RBFOX1: variants seen among roughly 807,000 people sequenced by gnomAD.
RBFOX1 encodes the protein RNA binding fox-1 homolog 1.
Under a neutral mutation model 57.7 loss-of-function variants are expected in RBFOX1, and 8 were observed. The ratio of observed to expected loss-of-function variants is 0.14; its 90% confidence interval spans 0.08 to 0.25. The LOEUF (loss-of-function observed/expected upper bound fraction) is 0.25. Among genes scored for constraint, RBFOX1 ranks in the 10% least tolerant of loss-of-function variants. The pLI is 1.00. For missense variants in RBFOX1, 611 were observed against 548.5 expected, an observed-to-expected ratio of 1.11 and a Z score of -1.14; for synonymous variants, 326 against 222.4, an observed-to-expected ratio of 1.47 and a Z score of -4.15.
intron 3 of RBFOX1, among the ~76,000 whole-genome samples, chr16:5,692,971 C>G (rs754715402): frequency 2.6e-5 from 4 of 152,210 alleles, no homozygotes; most frequent in Non-Finnish European, 5.9e-5. Context: ...TTGCAAACAT[C>G]TGGACTCACT....
intron 14 of RBFOX1, among the ~76,000 whole-genome samples, chr16:7,707,680 C>G (rs2082924006): frequency 6.6e-6 from 1 of 152,176 alleles, no homozygotes; most frequent in South Asian, 2.1e-4. Context: ...GCATCACTCA[C>G]TCCTCAGGAA....
chr16:5,789,693 C>G (rs2054623516), intron 3 of RBFOX1, among the ~76,000 whole-genome samples: 1 of 152,154 alleles, frequency 6.6e-6, no homozygotes, highest in Admixed American at 6.5e-5. Flanking sequence ...TCGCACTTCT[C>G]TTGATAAGAA....
At chr16:5,640,012 C>T (rs576840174) in intron 3 of RBFOX1, among the ~76,000 whole-genome samples, 62 of 152,270 alleles carry the variant, frequency 4.1e-4, no homozygotes, top group African/African-American at 1.3e-3. Flanking sequence ...TGATTTTCCC[C>T]GTGGTGCTGG....
chr16:6,562,686 A>G (rs1599909478), intron 2 of RBFOX1, among the ~76,000 whole-genome samples: 1 of 152,162 alleles, frequency 6.6e-6, no homozygotes, highest in East Asian at 1.9e-4. Flanking sequence ...TCTTACTTGG[A>G]ACCAGGTGAA....
At chr16:6,759,783 G>GT (rs1205559736) in intron 3 of RBFOX1, among the ~76,000 whole-genome samples, 1 of 152,112 alleles carries the variant, frequency 6.6e-6, no homozygotes, top group Non-Finnish European at 1.5e-5. Context: ...TAAGGAATGT[G>GT]TGCCAAGATG....
intron 2 of RBFOX1, among the ~76,000 whole-genome samples, chr16:5,473,939 G>T (rs940570974): frequency 1.3e-4 from 18 of 142,860 alleles, no homozygotes; most frequent in Non-Finnish European, 2.6e-4. Flanking sequence ...TAGGTAGATG[G>T]ATGGATGGGT....
At chr16:5,818,225 C>T (rs1177175397) in intron 3 of RBFOX1, among the ~76,000 whole-genome samples, 1 of 152,128 alleles carries the variant, frequency 6.6e-6, no homozygotes, top group African/African-American at 2.4e-5. Flanking sequence ...TCAATGGTGC[C>T]TCCAGGCATT....
chr16:5,875,850 T>TTC (rs2057594968), intron 4 of RBFOX1, among the ~76,000 whole-genome samples: 1 of 151,844 alleles, frequency 6.6e-6, no homozygotes, highest in Non-Finnish European at 1.5e-5. Context: ...ATCCCACTTT[T>TTC]TTTTTTTTTT....
At chr16:6,413,662 G>C (rs917641) in intron 2 of RBFOX1, among the ~76,000 whole-genome samples, 63,900 of 152,080 alleles carry the variant, frequency 0.42, 14,262 homozygotes, top group Non-Finnish European at 0.49. Context: ...TGCATTGAAT[G>C]AGAGCCATTT....
intron 1 of RBFOX1, among the ~76,000 whole-genome samples, chr16:5,378,087 T>G (rs1314412629): frequency 1.3e-5 from 2 of 151,762 alleles, no homozygotes; most frequent in African/African-American, 4.9e-5. Context: ...CCTGCCAATT[T>G]GAGGGAAAGA....
intron 4 of RBFOX1, among the ~76,000 whole-genome samples, chr16:7,375,382 G>T (rs758933797): frequency 2.0e-5 from 3 of 152,132 alleles, no homozygotes; most frequent in Non-Finnish European, 4.4e-5. Flanking sequence ...AATTAAAATG[G>T]AATATCCAGG....
At chr16:6,320,088 G>T (rs1206693780) in intron 2 of RBFOX1, among the ~76,000 whole-genome samples, 1 of 151,912 alleles carries the variant, frequency 6.6e-6, no homozygotes, top group Non-Finnish European at 1.5e-5. Context: ...GTGACTGAGA[G>T]GGGGAAGGTT....
intron 4 of RBFOX1, among the ~76,000 whole-genome samples, chr16:7,335,594 A>G (rs2096771319): frequency 1.6e-5 from 2 of 121,424 alleles, no homozygotes; most frequent in African/African-American, 8.8e-5. Flanking sequence ...GAAAAAAAAA[A>G]AAAAAAAAAA....
intron 2 of RBFOX1, among the ~76,000 whole-genome samples, chr16:6,336,070 T>C (rs1213709688): frequency 6.9e-6 from 1 of 145,764 alleles, no homozygotes; most frequent in Non-Finnish European, 1.5e-5. Context: ...TTTCCTCTTT[T>C]GGTAAATGGA....
chr16:5,893,803 C>G (rs1156662706), intron 4 of RBFOX1, among the ~76,000 whole-genome samples: 3 of 134,588 alleles, frequency 2.2e-5, no homozygotes, highest in South Asian at 2.3e-4. Context: ...AAGACTCCAC[C>G]TCAAAAAAAA....
intron 3 of RBFOX1, among the ~76,000 whole-genome samples, chr16:6,716,407 A>G (rs1568332135): frequency 1.3e-5 from 2 of 152,098 alleles, no homozygotes; most frequent in Admixed American, 1.3e-4. Flanking sequence ...GCCATTTCAA[A>G]GCGGTGGAAT....
intron 3 of RBFOX1, among the ~76,000 whole-genome samples, chr16:5,830,902 C>T (rs919406133): frequency 6.6e-6 from 1 of 152,206 alleles, no homozygotes; most frequent in Non-Finnish European, 1.5e-5. Flanking sequence ...ACATTTGAGC[C>T]TCTCCTGTGA....
intron 1 of RBFOX1, among the ~76,000 whole-genome samples, chr16:5,275,569 C>T (rs1229852722): frequency 1.3e-5 from 2 of 152,190 alleles, no homozygotes; most frequent in African/African-American, 4.8e-5. Context: ...ATTCCATGCT[C>T]ATGGATGGGT....
At chr16:7,647,103 A>T (rs2063893758) in intron 11 of RBFOX1, among the ~76,000 whole-genome samples, 2 of 152,172 alleles carry the variant, frequency 1.3e-5, no homozygotes, top group Non-Finnish European at 2.9e-5. Flanking sequence ...ACATCCCTAA[A>T]GCTTCCATTT....
Sources: allele counts gnomAD v4.1 joint callset (sites outside exome capture counted in the v4.1 genomes callset), GRCh38; gene constraint gnomAD v4.1.1; transcripts MANE v1.5; gene names NCBI Gene and HGNC (gene_info 2026-07-23, HGNC 2026-07-21).